Variants in ADAMTSL1 observed in about 807,000 individuals in gnomAD.
The protein encoded by ADAMTSL1 is ADAMTS like 1, also known as ADAMTS-like protein 1.
Under a neutral mutation model 201.8 loss-of-function variants are expected in ADAMTSL1, and 126 were observed. The observed-to-expected ratio is 0.62, with a 90% CI of 0.54 to 0.72. The LOEUF (loss-of-function observed/expected upper bound fraction) is 0.72, where lower values mean the gene tolerates loss of function less well. Ranked by LOEUF, ADAMTSL1 falls within the 30% of genes least tolerant of loss-of-function variation. ADAMTSL1 has a pLI of 0.00. For synonymous variants in ADAMTSL1, 1,121 were observed against 903.4 expected (o/e 1.24, Z -4.32); for missense variants, 2,679 against 2,277.8 (o/e 1.18, Z -3.59).
At chr9:18,706,634 C>T (rs537604746) in intron 13 of ADAMTSL1, 113 bp from the exon 14 acceptor site, 5 of 1,079,728 alleles carry the variant, frequency 4.6e-6, no homozygotes, top group Non-Finnish European at 5.3e-6. Context: ...GCCCTGAGTA[C>T]CCCTGGGACA....
intron 3 of ADAMTSL1, among the ~76,000 whole-genome samples, chr9:18,540,010 A>C (rs1446633334): frequency 2.0e-5 from 3 of 152,188 alleles, no homozygotes; most frequent in Non-Finnish European, 4.4e-5. Context: ...AACACATAGG[A>C]TGAATAAAAA....
At chr9:18,756,079 AT>A (rs1819733565) in intron 16 of ADAMTSL1, among the ~76,000 whole-genome samples, 1 of 3,432 alleles carries the variant, frequency 2.9e-4, no homozygotes, top group African/African-American at 8.8e-4. Flanking sequence ...TACTGAAAAT[AT>A]ATATATATAT....
At chr9:18,471,718 C>T (rs1821221054), upstream of ADAMTSL1, among the ~76,000 whole-genome samples, 1 of 152,162 alleles carries the variant, frequency 6.6e-6, no homozygotes, top group Non-Finnish European at 1.5e-5. Flanking sequence ...AAGCATGAGA[C>T]AGTGTGGTGG....
Position 18,593,445 on chromosome 9 carries a change from T to C in ADAMTSL1, c.474+19179T>C, listed in dbSNP as rs547633080. ...TCTTTATTTTTTTACATCTACTAAT[T>C]TGTGTTTGGTTTGCTCTTATTTTTC... On this transcript the variant is annotated intron_variant, in intron 4 of 28. Transcript: ENST00000380548. 2.0e-5 allele frequency among the ~76,000 whole-genome samples: 3 copies of C among 152,208 alleles called. No individual in the cohort carries two copies. The East Asian group carries it at 5.8e-4, about 29-fold the overall frequency.
intron 1 of ADAMTSL1, among the ~76,000 whole-genome samples, chr9:18,003,111 G>A (rs1205898633): frequency 6.6e-6 from 1 of 151,938 alleles, no homozygotes; most frequent in Non-Finnish European, 1.5e-5. Context: ...GGATTTGAGG[G>A]AGCAGAGGCT....
intron 9 of ADAMTSL1, among the ~76,000 whole-genome samples, chr9:18,664,817 G>A (rs1244334308): frequency 1.3e-5 from 2 of 151,962 alleles, no homozygotes; most frequent in African/African-American, 4.8e-5. Flanking sequence ...CCACCGAATG[G>A]GAAGAGAGGG....
chr9:18,430,825 C>T (rs1030404128), intron 2 of ADAMTSL1, among the ~76,000 whole-genome samples: 8 of 152,122 alleles, frequency 5.3e-5, no homozygotes, highest in Admixed American at 4.6e-4. Context: ...AGTTGAGGCC[C>T]CTTGTACCAC....
chr9:17,981,736 A>T (rs905480771), intron 1 of ADAMTSL1, among the ~76,000 whole-genome samples: 1 of 152,172 alleles, frequency 6.6e-6, no homozygotes, highest in Non-Finnish European at 1.5e-5. Flanking sequence ...CTGTATGATC[A>T]CACATTGTTA....
chr9:18,486,952 G>T (rs1469672171), intron 1 of ADAMTSL1, among the ~76,000 whole-genome samples: 2 of 152,158 alleles, frequency 1.3e-5, no homozygotes, highest in Non-Finnish European at 2.9e-5. Flanking sequence ...TCTTTGCCCT[G>T]ATTCTTGCAG....
chr9:17,986,020 ATTC>A (rs1818914583), intron 1 of ADAMTSL1, among the ~76,000 whole-genome samples: 1 of 152,134 alleles, frequency 6.6e-6, no homozygotes, highest in Non-Finnish European at 1.5e-5. Flanking sequence ...TCAGCCTGAA[ATTC>A]TTTGATATGT....
intron 2 of ADAMTSL1, among the ~76,000 whole-genome samples, chr9:18,185,970 A>G (rs902643109): frequency 2.6e-5 from 4 of 152,222 alleles, no homozygotes; most frequent in African/African-American, 9.6e-5. Context: ...ATCATAAAAT[A>G]AGTATTTATG....
rs1470175479 is a variant in ADAMTSL1 at position 18,427,392 on chromosome 9, A to G, written c.208-77437A>G. Among the ~76,000 whole-genome samples, 3 of 152,364 alleles carry G rather than the reference A, an allele frequency of 2.0e-5. No homozygotes were observed. The East Asian group carries it at 5.8e-4, about 29-fold the overall frequency. The stretch of plus-strand genomic sequence containing the variant: ...AAAGCCACTTGATGGGTAGAAAAAC[A>G]GATTCTCAAGCTATGTCATAGAAGT... On this transcript the variant is annotated intron_variant, in intron 2 of 29. Transcript: ENST00000680146.
chr9:17,923,411 T>C (rs947772749), intron 1 of ADAMTSL1, among the ~76,000 whole-genome samples: 1 of 145,484 alleles, frequency 6.9e-6, no homozygotes, highest in South Asian at 2.3e-4. Flanking sequence ...CAATTGTGAA[T>C]GGGAGTTCAC....
At chr9:18,651,533 T>C (rs2132919466) in intron 7 of ADAMTSL1, 1 of 152,256 alleles carries the variant, frequency 6.6e-6, no homozygotes, top group South Asian at 2.1e-4. Context: ...AATAGCAAAC[T>C]CAGAGCTAAG....
intron 2 of ADAMTSL1, among the ~76,000 whole-genome samples, chr9:18,444,792 C>A (rs1035794506): frequency 6.6e-6 from 1 of 152,056 alleles, no homozygotes; most frequent in African/African-American, 2.4e-5. Flanking sequence ...TGCAGAAATG[C>A]CATATTTAAT....
chr9:18,085,526 T>A (rs1823717788), intron 1 of ADAMTSL1, among the ~76,000 whole-genome samples: 1 of 150,390 alleles, frequency 6.6e-6, no homozygotes, highest in South Asian at 2.1e-4. Context: ...ATATACTGTA[T>A]GCATATATAT....
chr9:18,093,849 T>A (rs538673964), intron 1 of ADAMTSL1, among the ~76,000 whole-genome samples: 1 of 152,014 alleles, frequency 6.6e-6, no homozygotes, highest in East Asian at 1.9e-4. Context: ...AGAGGGGAAG[T>A]GGGGCTGGAT....
intron 8 of ADAMTSL1, among the ~76,000 whole-genome samples, chr9:18,660,536 A>G (rs1048201038): frequency 6.6e-6 from 1 of 152,324 alleles, no homozygotes; most frequent in East Asian, 1.9e-4. Flanking sequence ...CAGATTAATA[A>G]TTTACTGCAT....
intron 1 of ADAMTSL1, among the ~76,000 whole-genome samples, chr9:18,122,773 G>A (rs1825557464): frequency 6.6e-6 from 1 of 152,060 alleles, no homozygotes; most frequent in Admixed American, 6.6e-5. Context: ...GGCAGGGCAG[G>A]TTGGTTTTTT....
Sources: allele counts gnomAD v4.1 joint callset (sites outside exome capture counted in the v4.1 genomes callset), GRCh38; gene constraint gnomAD v4.1.1; transcripts MANE v1.5; gene names NCBI Gene and HGNC (gene_info 2026-07-23, HGNC 2026-07-21).